TRIM26: variants seen among roughly 807,000 people sequenced by gnomAD.
TRIM26 encodes the protein tripartite motif containing 26, also known as tripartite motif-containing protein 26.
Under a neutral mutation model 45.5 loss-of-function variants are expected in TRIM26, and 16 were observed. The observed-to-expected ratio is 0.35, with a 90% CI of 0.24 to 0.53. The LOEUF is 0.53. TRIM26 is among the 20% of genes least tolerant of loss of function. TRIM26 has a pLI of 0.92. For missense variants in TRIM26, 442 were observed against 691.1 expected (o/e 0.64, Z 4.04); for synonymous variants, 273 against 290.4 (o/e 0.94, Z 0.61).
intron 5 of TRIM26, among the ~76,000 whole-genome samples, chr6:30,197,579 A>G (rs1487701531): frequency 1.3e-5 from 2 of 152,202 alleles, no homozygotes; most frequent in African/African-American, 4.8e-5. Context: ...TTTTCTAACT[A>G]CAGTTGTCCC....
At chr6:30,199,684 T>C (rs1298522042) in intron 3 of TRIM26, among the ~76,000 whole-genome samples, 1 of 150,252 alleles carries the variant, frequency 6.7e-6, no homozygotes, top group Non-Finnish European at 1.5e-5. Context: ...TCGCCCAGGC[T>C]GGAGTGCAGT....
At chr6:30,202,420 T>A (rs534297283) in intron 2 of TRIM26, among the ~76,000 whole-genome samples, 5 of 152,326 alleles carry the variant, frequency 3.3e-5, no homozygotes, top group Admixed American at 3.3e-4. Context: ...ATGCTAAAAC[T>A]ATTAGGTGAA....
rs1332752078 is a variant in TRIM26 at position 30,198,797 on chromosome 6, C to T, written c.307G>A (p.Glu103Lys). The T allele has an allele frequency of 7.5e-6, 12 of 1,604,546 alleles. No individual in the cohort carries two copies. The South Asian group carries it at 8.8e-5, about 12-fold the overall frequency. ...TAGTGCAGCTTCTCTCGGTGTCGCT[C>T]GCACAACTTTGCATCCTGCTGCTCC... is the stretch of plus-strand genomic sequence containing the variant. ...TREQQDAKLC[E>K]RHREKLHYYC... The change falls in exon 4 of 10, where the codon GAG becomes AAG. Residue 103 changes from glutamate (E) to lysine (K), a missense_variant. Glu to Lys is a moderately conservative substitution (Grantham distance 56). Transcript: ENST00000454678. The surrounding 1 kb of genome is among the most constrained non-coding windows in gnomAD (Gnocchi z 6.3).
intron 3 of TRIM26, among the ~76,000 whole-genome samples, chr6:30,200,721 G>A (rs1046540666): frequency 5.3e-5 from 8 of 152,200 alleles, no homozygotes; most frequent in African/African-American, 1.7e-4. Flanking sequence ...CCCTGACTCT[G>A]TGTGACAATA....
chr6:30,208,189 G>A (rs1581725923), intron 1 of TRIM26, among the ~76,000 whole-genome samples: 1 of 152,314 alleles, frequency 6.6e-6, no homozygotes, highest in East Asian at 1.9e-4. Flanking sequence ...CTGAAGGAAT[G>A]CGAACAATCT....
rs9261554 is a variant in TRIM26, at chr6:30,193,193, T to C, written c.766-3158A>G. On this transcript the variant is annotated intron_variant, in intron 6 of 9. Transcript: ENST00000454678. Reference sequence around the variant, plus strand: ...ATATATATATATATATTTTTTTTTTTTTTTTTTTAATGGAGTCTCACTCTA... The same window carrying C: ...ATATATATATATATATTTTTTTTTTCTTTTTTTTAATGGAGTCTCACTCTA... Among the ~76,000 whole-genome samples, 359 of 67,940 alleles carry C rather than the reference T, an allele frequency of 5.3e-3. 21 individuals are homozygous for C. The highest frequency in any genetic ancestry group is 7.7e-3 in the African/African-American group (124 of 16,076). 44.6% of individuals were successfully genotyped at this position (67,940 alleles called of 152,430 possible). A position where few individuals can be genotyped will look rare whatever the true frequency, so the allele number is the denominator to read the frequency against.
Position 30,190,131 on chromosome 6 carries a change from G to T in TRIM26, c.766-96C>A. 1 of 1,372,184 alleles carries T rather than the reference G, an allele frequency of 7.3e-7. No homozygotes were observed. The allele number at this position is 1,372,184 out of a possible 1,614,324, so 85.0% of individuals were successfully genotyped here. A position where few individuals can be genotyped will look rare whatever the true frequency, so the allele number is the denominator to read the frequency against. Reference sequence around the variant, plus strand: ...ACTGTAGCAGAGATGGGACATATCAGTGAACAAAACAAATGTGGTCCCTTT... The same window carrying T: ...ACTGTAGCAGAGATGGGACATATCATTGAACAAAACAAATGTGGTCCCTTT... On this transcript the variant is annotated intron_variant, in intron 6 of 9. Coordinates refer to ENST00000454678, the MANE Select transcript of TRIM26 (RefSeq NM_003449.5). This position sits in a 1 kb window ranked among gnomAD's most constrained non-coding sequence, Gnocchi z 4.3.
intron 6 of TRIM26, among the ~76,000 whole-genome samples, chr6:30,194,061 T>C (rs182694697): frequency 1.2e-4 from 19 of 152,318 alleles, no homozygotes; most frequent in Admixed American, 1.2e-3. Flanking sequence ...AGAACTACCA[T>C]ATGATCCAGC....
chr6:30,194,417 T>C (rs1776253077), intron 6 of TRIM26, among the ~76,000 whole-genome samples: 1 of 152,202 alleles, frequency 6.6e-6, no homozygotes, highest in Non-Finnish European at 1.5e-5. Context: ...AGGGAGAATA[T>C]AATTAACTAT....
Position 30,186,002 on chromosome 6 carries a change from G to A in TRIM26, c.1494C>T (p.Gly498=), listed in dbSNP as rs770709991. 4.3e-6 allele frequency: 7 copies of A among 1,611,750 alleles called. No individual in the cohort carries two copies. In the South Asian group the frequency reaches 7.7e-5, roughly 18 times the overall value. Reference sequence around the variant, plus strand: ...ACTCTGCGTTGGTGAAAGTCACGGTGCCCCCTTCATAATCCAGGGCGATGC... The same window carrying A: ...ACTCTGCGTTGGTGAAAGTCACGGTACCCCCTTCATAATCCAGGGCGATGC... ...RVGIALDYEG[G]TVTFTNAESQ... The change falls in exon 10 of 10, where the codon GGC becomes GGT. Residue 498 remains glycine (G), a synonymous_variant. Transcript: ENST00000454678. The surrounding 1 kb of genome is among the most constrained non-coding windows in gnomAD (Gnocchi z 7.4).
intron 3 of TRIM26, among the ~76,000 whole-genome samples, chr6:30,199,622 C>T (rs1447321705): frequency 6.7e-6 from 1 of 150,104 alleles, no homozygotes; most frequent in Non-Finnish European, 1.5e-5. Flanking sequence ...GTCAAGAGAC[C>T]GCCCGTTTTT....
intron 2 of TRIM26, among the ~76,000 whole-genome samples, chr6:30,204,372 A>G (rs1476053298): frequency 3.9e-5 from 6 of 152,222 alleles, no homozygotes; most frequent in African/African-American, 1.4e-4. Context: ...AAGCGGAGTA[A>G]TGCTGACAAA....
rs201005106 is a variant in TRIM26, at chr6:30,196,602, G to C, written c.679C>G (p.Arg227Gly). Residue 227 changes from arginine to glycine, a missense_variant, in exon 6 of 10, where the codon CGG becomes GGG. By Grantham distance (125) the Arg-to-Gly change is moderately radical. Transcript: ENST00000454678. The surrounding 1 kb of genome is among the most constrained non-coding windows in gnomAD (Gnocchi z 4.9). The stretch of plus-strand genomic sequence containing the variant: ...AGCCGGGCAAGCTCCCCGACGCCCC[G>C]GCTCTTGAACTTCTCCCTGCCCTCC... Reference protein sequence around the residue: ...LTEGREKFKSRGVGELARLAL... With the variant: ...LTEGREKFKSGGVGELARLAL... 1.5e-5 allele frequency: 25 copies of C among 1,613,592 alleles called. No homozygotes were observed. The highest frequency in any genetic ancestry group is 1.9e-5 in the Non-Finnish European group (22 of 1,180,032).
At chr6:30,187,432 G>A (rs1775305380) in intron 9 of TRIM26, 1 of 488,806 alleles carries the variant, frequency 2.0e-6, no homozygotes, top group Admixed American at 2.1e-5. Context: ...CTGATCTCCA[G>A]GTTATGATAA....
Position 30,190,124 on chromosome 6 carries a change from CAT to C in TRIM26, c.766-91_766-90del. ...ACCCAACACTGTAGCAGAGATGGGA[CAT>C]ATCAGTGAACAAAACAAATGTGGTC... On this transcript the variant is annotated intron_variant, in intron 6 of 9. Transcript: ENST00000454678. The surrounding 1 kb of genome is among the most constrained non-coding windows in gnomAD (Gnocchi z 4.3). The C allele has an allele frequency of 7.1e-7, 1 of 1,414,160 alleles. No homozygotes were observed. The highest frequency in any genetic ancestry group is 9.9e-7 in the Non-Finnish European group (1 of 1,007,644). The allele number at this position is 1,414,160 out of a possible 1,614,324, so 87.6% of individuals were successfully genotyped here.
At chr6:30,212,915 C>CAA (rs3059548) in intron 1 of TRIM26, among the ~76,000 whole-genome samples, 7 of 130,298 alleles carry the variant, frequency 5.4e-5, no homozygotes, top group South Asian at 2.5e-4. Flanking sequence ...TTACTCCGAA[C>CAA]AAAAAAAAAA....
rs370250780 is a variant in TRIM26, at chr6:30,190,375, C to T, written c.766-340G>A. 4.3e-5 allele frequency: 18 copies of T among 415,740 alleles called. No individual in the cohort carries two copies. The highest frequency in any genetic ancestry group is 4.1e-4 in the East Asian group (9 of 22,102). The allele number at this position is 415,740 out of a possible 1,614,324, so 25.8% of individuals were successfully genotyped here. ...GGTGAGAACGGCAGAGGCCAGACTG[C>T]GCAGGGCTGGATATGCATGGTAAGG... On this transcript the variant is annotated intron_variant, in intron 6 of 9. Transcript: ENST00000454678. This position sits in a 1 kb window ranked among gnomAD's most constrained non-coding sequence, Gnocchi z 4.3.
rs1415625602 is a variant in TRIM26 at position 30,189,789 on chromosome 6, C to CA, written c.788+223dup. On this transcript the variant is annotated intron_variant, in intron 7 of 9. Coordinates refer to ENST00000454678, the MANE Select transcript of TRIM26 (RefSeq NM_003449.5). This position sits in a 1 kb window ranked among gnomAD's most constrained non-coding sequence, Gnocchi z 5.0. ...TGCTCTGTCCCACCTCAAATAAGGC[C>CA]AGTGGGCCAAGGAGCTGGGGCTACA... The CA allele has an allele frequency of 7.7e-6, 5 of 645,196 alleles. No individual in the cohort carries two copies. Among genetic ancestry groups the CA allele is most frequent in the Admixed American group, 5.8e-5 (2 of 34,334 alleles). The allele number at this position is 645,196 out of a possible 1,614,324, so 40.0% of individuals were successfully genotyped here.
chr6:30,198,772 T>C lies in TRIM26; in HGVS notation c.332A>G (p.Tyr111Cys). Residue 111 changes from tyrosine (Y) to cysteine (C), a missense_variant, in exon 4 of 10, where the codon TAC becomes TGC. Coordinates refer to ENST00000454678, the MANE Select transcript of TRIM26 (RefSeq NM_003449.5). The surrounding 1 kb of genome is among the most constrained non-coding windows in gnomAD (Gnocchi z 6.3). The stretch of plus-strand genomic sequence containing the variant: ...CAGCTTCCCGTCGTCCTCACAGTAG[T>C]AGTGCAGCTTCTCTCGGTGTCGCTC... ...LCERHREKLH[Y>C]YCEDDGKLLC... is the part of the protein sequence containing the mutation. The C allele has an allele frequency of 1.2e-6, 2 of 1,604,438 alleles. No individual in the cohort carries two copies. The highest frequency in any genetic ancestry group is 1.7e-6 in the Non-Finnish European group (2 of 1,179,918).
Sources: allele counts gnomAD v4.1 joint callset (sites outside exome capture counted in the v4.1 genomes callset), GRCh38; gene constraint gnomAD v4.1.1; non-coding constraint Gnocchi (gnomAD v3.1); transcripts MANE v1.5; gene names NCBI Gene and HGNC (gene_info 2026-07-23, HGNC 2026-07-21).